Variants in ZNF333 observed in about 807,000 individuals in gnomAD.
ZNF333 encodes the protein zinc finger protein 333.
A neutral mutation model predicts 76.1 loss-of-function variants in ZNF333; 61 were observed. The ratio of observed to expected loss-of-function variants is 0.80; its 90% CI spans 0.65 to 0.99. The LOEUF (loss-of-function observed/expected upper bound fraction) is 0.99. ZNF333 is among the 50% of genes least tolerant of loss of function. The pLI, the probability that ZNF333 is intolerant of heterozygous loss-of-function variation, is 0.00. For missense variants in ZNF333, 717 were observed against 822.4 expected, an observed-to-expected ratio of 0.87 and a Z score of 1.57; for synonymous variants, 284 against 305.0, an observed-to-expected ratio of 0.93 and a Z score of 0.72.
chr19:14,731,738 T>A (rs2042673362), exon 12 of ZNF333: 1 of 152,402 alleles, frequency 6.6e-6, no homozygotes, highest in African/African-American at 2.4e-5. Context: ...TAACTCTTGT[T>A]TATCTTTGGG....
At position 14,718,447 on chromosome 19, in the gene ZNF333, T is replaced by A; in HGVS notation, c.1120T>A (p.Ser374Thr). The stretch of plus-strand genomic sequence containing the variant: ...CTATGCATGTAACAAATGTGAAAAA[T>A]CCTTCAGATACAGCTCTGACCTTAT... ...KSYACNKCEK[S>T]FRYSSDLIRH... The change falls in exon 12 of 12, where the codon TCC becomes ACC. Residue 374 changes from serine (S) to threonine (T), a missense_variant. Ser to Thr is a moderately conservative substitution (Grantham distance 58). Transcript: ENST00000292530. 1 of 1,613,928 alleles carries A rather than the reference T, an allele frequency of 6.2e-7. No homozygotes were observed. The highest frequency in any genetic ancestry group is 8.5e-7 in the Non-Finnish European group (1 of 1,179,998).
Position 14,706,731 on chromosome 19 carries a change from C to A in ZNF333, c.469C>A (p.Pro157Thr). Residue 157 changes from proline to threonine, a missense_variant, in exon 7 of 12, where the codon CCT becomes ACT. By Grantham distance (38) the Pro-to-Thr change is conservative (BLOSUM62 -1). Coordinates refer to ENST00000292530, the MANE Select transcript of ZNF333 (RefSeq NM_032433.4). ...MQIQRVVIPV[P>T]TLGHRNPWVA... is the part of the protein sequence containing the mutation. ...GATTCAGAGGGTGGTGATACCAGTG[C>A]CTACTCTGGGCCACCGCAACCCATG... is the stretch of plus-strand genomic sequence containing the variant. 6.2e-7 allele frequency: 1 copy of A among 1,614,002 alleles called. No individual in the cohort carries two copies. The highest frequency in any genetic ancestry group is 8.5e-7 in the Non-Finnish European group (1 of 1,179,988).
At chr19:14,725,090 G>A (rs2042625439), downstream of ZNF333, among the ~76,000 whole-genome samples, 1 of 152,190 alleles carries the variant, frequency 6.6e-6, no homozygotes, top group South Asian at 2.1e-4. Context: ...GAGGGCCTCA[G>A]GAAGCTCACA....
intron 5 of ZNF333, chr19:14,701,512 G>A: frequency 1.1e-6 from 1 of 922,766 alleles, no homozygotes; most frequent in African/African-American, 1.8e-5. Flanking sequence ...AATGAAGGAA[G>A]GAATGGATAA....
At chr19:14,690,351 G>T (rs1972669128) in intron 1 of ZNF333, among the ~76,000 whole-genome samples, 1 of 152,164 alleles carries the variant, frequency 6.6e-6, no homozygotes, top group African/African-American at 2.4e-5. Context: ...GGTACCCCCC[G>T]TCCGGGCAGA....
At position 14,719,510 on chromosome 19, in the gene ZNF333, A is replaced by G. The variant is rs1265683916; in HGVS notation, c.*185A>G. 1 of 1,066,668 alleles carries G rather than the reference A, an allele frequency of 9.4e-7. No homozygotes were observed. Among genetic ancestry groups the G allele is most frequent in the South Asian group, 1.8e-5 (1 of 54,192 alleles). The allele number at this position is 1,066,668 out of a possible 1,614,324, so 66.1% of individuals were successfully genotyped here. A position where few individuals can be genotyped will look rare whatever the true frequency, so the allele number is the denominator to read the frequency against. On this transcript the variant is annotated 3_prime_UTR_variant, in exon 12 of 12. Coordinates refer to ENST00000292530, the MANE Select transcript of ZNF333 (RefSeq NM_032433.4). ...TTTGGAATTAGATTTTTCAAAACTA[A>G]TATGTGGATATATTTTCATAGAGGT...
chr19:14,729,850 C>T (rs550623407), intron 11 of ZNF333, among the ~76,000 whole-genome samples: 2 of 152,252 alleles, frequency 1.3e-5, no homozygotes, highest in African/African-American at 4.8e-5. Flanking sequence ...ATGTATACAT[C>T]CATTAAACAT....
chr19:14,708,492 A>G, intron 7 of ZNF333: 1 of 317,898 alleles, frequency 3.1e-6, no homozygotes, highest in Non-Finnish European at 5.0e-6. Flanking sequence ...ACTTCATCTC[A>G]GGGGACGGGA....
chr19:14,690,115 C>T lies in ZNF333; in HGVS notation c.-77C>T, dbSNP rs572865383. ...TGCTGCGCGGCGCGGCGCGGTGCGG[C>T]ACGGCACGGTGGGAGTGTCTCCGGC... On this transcript the variant is annotated 5_prime_UTR_variant, in exon 1 of 12. Coordinates refer to ENST00000292530, the MANE Select transcript of ZNF333 (RefSeq NM_032433.4). The T allele has an allele frequency of 3.7e-5, 5 of 134,590 alleles. No individual in the cohort carries two copies. The highest frequency in any genetic ancestry group is 1.5e-4 in the African/African-American group (5 of 34,472). The allele number at this position is 134,590 out of a possible 1,614,324, so 8.3% of individuals were successfully genotyped here. A position where few individuals can be genotyped will look rare whatever the true frequency, so the allele number is the denominator to read the frequency against.
chr19:14,708,541 G>A (rs770334000), intron 7 of ZNF333: 1 of 387,958 alleles, frequency 2.6e-6, no homozygotes, highest in Non-Finnish European at 4.6e-6. Context: ...CTTAGGCCAG[G>A]GTTTCTCAAC....
chr19:14,693,329 G>A lies in ZNF333; in HGVS notation c.-41-122G>A, dbSNP rs184868841. 57 of 607,864 alleles carry A rather than the reference G, an allele frequency of 9.4e-5. 1 individual carries two copies. The African/African-American group carries it at 9.8e-4, about 10-fold the overall frequency. 37.7% of individuals were successfully genotyped at this position (607,864 alleles called of 1,614,324 possible). A position where few individuals can be genotyped will look rare whatever the true frequency, so the allele number is the denominator to read the frequency against. On this transcript the variant is annotated intron_variant, in intron 1 of 11. Coordinates refer to ENST00000292530, the MANE Select transcript of ZNF333 (RefSeq NM_032433.4). The stretch of plus-strand genomic sequence containing the variant: ...TGAAAGGTGCCTTGGGGGCCAACAT[G>A]TTGCTTATGGAGATAAATGTCCTGT...
intron 4 of ZNF333, among the ~76,000 whole-genome samples, chr19:14,697,746 A>G (rs1051213539): frequency 1.3e-5 from 2 of 152,120 alleles, no homozygotes; most frequent in African/African-American, 4.8e-5. Context: ...TGGTAATGCT[A>G]TGCTTAACTT....
At chr19:14,731,945 G>A (rs1261752462) in exon 12 of ZNF333, 2 of 152,080 alleles carry the variant, frequency 1.3e-5, no homozygotes, top group African/African-American at 2.4e-5. Context: ...CCCCAACCTC[G>A]TCTGTGTTTC....
chr19:14,692,824 C>CTT (rs112233179), intron 1 of ZNF333, among the ~76,000 whole-genome samples: 65 of 144,068 alleles, frequency 4.5e-4, no homozygotes, highest in East Asian at 1.2e-3. Flanking sequence ...GGACCTTATT[C>CTT]TTTTTTTTTT....
Position 14,718,394 on chromosome 19 carries a change from C to T in ZNF333, c.1067C>T (p.Pro356Leu), listed in dbSNP as rs2042499748. The T allele has an allele frequency of 6.2e-7, 1 of 1,613,902 alleles. No homozygotes were observed. The highest frequency in any genetic ancestry group is 1.3e-5 in the African/African-American group (1 of 74,860). The change falls in exon 12 of 12, where the codon CCC (proline) becomes CTC (leucine). Residue 356 changes from proline to leucine, a missense_variant. Pro to Leu is a moderately conservative substitution (Grantham distance 98). Coordinates refer to ENST00000292530, the MANE Select transcript of ZNF333 (RefSeq NM_032433.4). Reference sequence around the variant, plus strand: ...TTCCAGAGTGCCCACCTAATTGTGCCCGAGAAAATCCGTAGTGGGGATAAA... The same window carrying T: ...TTCCAGAGTGCCCACCTAATTGTGCTCGAGAAAATCCGTAGTGGGGATAAA... ...SFFQSAHLIVPEKIRSGDKSY... is the reference protein window; with the variant it reads ...SFFQSAHLIVLEKIRSGDKSY...
In ZNF333 at chr19:14,718,661, C is replaced by G; in HGVS notation, c.1334C>G (p.Thr445Arg). 6.2e-7 allele frequency: 1 copy of G among 1,613,942 alleles called. No individual in the cohort carries two copies. The highest frequency in any genetic ancestry group is 2.2e-5 in the East Asian group (1 of 44,880). The stretch of plus-strand genomic sequence containing the variant: ...CTGATTTTGCACCAGAGAAACCACA[C>G]AGGAGAGAAGCCCTACGAGTGTAAA... ...FNLILHQRNH[T>R]GEKPYECKDC... The change falls in exon 12 of 12, where the codon ACA becomes AGA. Residue 445 changes from threonine (T) to arginine (R), a missense_variant. Coordinates refer to ENST00000292530, the MANE Select transcript of ZNF333 (RefSeq NM_032433.4).
chr19:14,702,508 C>G (rs1283238065), intron 5 of ZNF333, among the ~76,000 whole-genome samples: 2 of 152,032 alleles, frequency 1.3e-5, no homozygotes, highest in African/African-American at 4.8e-5. Context: ...GGTGACGGAG[C>G]AGGATTCTGT....
chr19:14,703,713 T>C (rs552294502), intron 5 of ZNF333, among the ~76,000 whole-genome samples: 1 of 152,230 alleles, frequency 6.6e-6, no homozygotes, highest in South Asian at 2.1e-4. Flanking sequence ...ATTTGTCAGT[T>C]TGAATAATTT....
At chr19:14,717,765 C>T in intron 11 of ZNF333, 32 bp downstream of exon 11, 1 of 1,596,512 alleles carries the variant, frequency 6.3e-7, no homozygotes, top group East Asian at 2.2e-5. Flanking sequence ...TCATGGTTCT[C>T]TATAGTAGGA....
Sources: gnomAD v4.1 joint callset for allele counts (sites outside exome capture counted in the v4.1 genomes callset) on GRCh38, gnomAD v4.1.1 for gene constraint, MANE v1.5 for transcripts, NCBI Gene and HGNC (gene_info 2026-07-23, HGNC 2026-07-21) for gene names.